VPS52: variants seen among roughly 807,000 people sequenced by gnomAD.
VPS52 encodes the protein vacuolar protein sorting-associated protein 52 homolog.
A neutral mutation model predicts 98.7 loss-of-function variants in VPS52; 56 were observed. The ratio of observed to expected loss-of-function variants is 0.57; its 90% CI spans 0.46 to 0.71. The LOEUF is 0.71. Among genes scored for constraint, VPS52 ranks in the 30% least tolerant of loss-of-function variants. VPS52 has a pLI of 0.00. For missense variants in VPS52, 742 were observed against 925.9 expected, an observed-to-expected ratio of 0.80 and a Z score of 2.58; for synonymous variants, 348 against 346.4, an observed-to-expected ratio of 1.00 and a Z score of -0.05.
In VPS52 at chr6:33,267,062, C is replaced by T. The variant is rs1764415031; in HGVS notation, c.1125+126G>A. 3.0e-6 allele frequency: 4 copies of T among 1,322,732 alleles called. No homozygotes were observed. Among genetic ancestry groups the T allele is most frequent in the East Asian group, 2.5e-5 (1 of 39,926 alleles). The allele number at this position is 1,322,732 out of a possible 1,614,324, so 81.9% of individuals were successfully genotyped here. On this transcript the variant is annotated intron_variant, in intron 11 of 19. Transcript: ENST00000445902. This position sits in a 1 kb window ranked among gnomAD's most constrained non-coding sequence, Gnocchi z 4.2. ...AGCAGGCTGGAGTGATTGGAGAAGG[C>T]CACTCCCAAGTCTAAGGGGATTAAG...
At position 33,268,788 on chromosome 6, in the gene VPS52, A is replaced by G. The variant is rs1023729284; in HGVS notation, c.549-139T>C. ...TACCATATAGTCAGGACACATGTAC[A>G]AAGTTTTCTATTCCTGGACCTCCCC... On this transcript the variant is annotated intron_variant, in intron 6 of 19. Coordinates refer to ENST00000445902, the MANE Select transcript of VPS52 (RefSeq NM_022553.6). The surrounding 1 kb of genome is among the most constrained non-coding windows in gnomAD (Gnocchi z 4.0). 1.3e-5 allele frequency: 16 copies of G among 1,205,330 alleles called. No individual in the cohort carries two copies. Among genetic ancestry groups the G allele is most frequent in the Admixed American group, 2.8e-5 (1 of 35,196 alleles). 74.7% of individuals were successfully genotyped at this position (1,205,330 alleles called of 1,614,324 possible).
chr6:33,265,871 C>G (rs1287599394), intron 12 of VPS52, among the ~76,000 whole-genome samples: 1 of 151,930 alleles, frequency 6.6e-6, no homozygotes, highest in Non-Finnish European at 1.5e-5. Flanking sequence ...GTCTAAGTAA[C>G]AAGTTTTTTT....
chr6:33,256,076 G>T (rs2150802702), intron 17 of VPS52, among the ~76,000 whole-genome samples: 1 of 152,126 alleles, frequency 6.6e-6, no homozygotes, highest in Middle Eastern at 3.4e-3. Flanking sequence ...CAAAAAACTA[G>T]AAAAGATTTA....
intron 19 of VPS52, 69 bp downstream of exon 19, chr6:33,251,449 C>T: frequency 9.1e-7 from 1 of 1,103,912 alleles, no homozygotes; most frequent in Non-Finnish European, 1.4e-6. Context: ...TGATGCTGAG[C>T]CCAGCAAAAA....
In VPS52 at chr6:33,271,644, G is replaced by A; in HGVS notation, c.32C>T (p.Ala11Val). 6.2e-7 allele frequency: 1 copy of A among 1,610,622 alleles called. No homozygotes were observed. Among genetic ancestry groups the A allele is most frequent in the Non-Finnish European group, 8.5e-7 (1 of 1,178,184 alleles). MAAAATMAAA[A>V]RELVLRAGTS... The stretch of plus-strand genomic sequence containing the variant: ...CCCAGCCCGCAACACCAGTTCCCGG[G>A]CCGCAGCCGCCATGGTCGCAGCGGC... The change falls in exon 1 of 20, where the codon GCC (alanine) becomes GTC (valine). Residue 11 changes from alanine to valine, a missense_variant. Around this residue, in one of 2 missense-constraint regions of VPS52, gnomAD observed 152 missense variants for 132.6 expected, o/e 1.15. Transcript: ENST00000445902.
At chr6:33,263,090 T>A (rs143595984) in intron 17 of VPS52, among the ~76,000 whole-genome samples, 1,752 of 150,692 alleles carry the variant, frequency 0.012, 17 homozygotes, top group Non-Finnish European at 0.019. Flanking sequence ...AAGAAAAAAA[T>A]AAAATTCATT....
intron 18 of VPS52, 105 bp downstream of exon 18, chr6:33,251,755 C>G (rs1762274781): frequency 7.0e-7 from 1 of 1,434,162 alleles, no homozygotes; most frequent in Non-Finnish European, 9.8e-7. Flanking sequence ...TTCTCTCAAT[C>G]CAGTCTTTCA....
intron 18 of VPS52, 96 bp from the exon 19 acceptor site, chr6:33,251,732 C>T (rs1762271547): frequency 2.8e-6 from 4 of 1,408,266 alleles, no homozygotes; most frequent in Non-Finnish European, 4.0e-6. Context: ...TCATCAAACC[C>T]TCTTTTCTGG....
chr6:33,270,077 G>C (rs373536508), intron 2 of VPS52, 26 bp from the exon 3 acceptor site: 3 of 1,614,044 alleles, frequency 1.9e-6, no homozygotes, highest in Middle Eastern at 3.3e-4. Flanking sequence ...TATCATAAGG[G>C]TCCAGCTCCA....
chr6:33,264,704 G>A lies in VPS52; in HGVS notation c.1400+78C>T, dbSNP rs1764083148. ...GGTTGATGATACCAGGTCAGTAGGAGTCTAAGGTCAGGGCAGAGTCATGCA... is the reference window on the plus strand; with the variant it reads ...GGTTGATGATACCAGGTCAGTAGGAATCTAAGGTCAGGGCAGAGTCATGCA... On this transcript the variant is annotated intron_variant, in intron 13 of 19. Coordinates refer to ENST00000445902, the MANE Select transcript of VPS52 (RefSeq NM_022553.6). The A allele has an allele frequency of 2.7e-6, 4 of 1,472,676 alleles. No homozygotes were observed. In the Admixed American group the frequency reaches 6.7e-5, roughly 25 times the overall value. The allele number at this position is 1,472,676 out of a possible 1,614,324, so 91.2% of individuals were successfully genotyped here.
chr6:33,264,264 C>CA lies in VPS52; in HGVS notation c.1524+109dup, dbSNP rs1764005378. 5.7e-6 allele frequency: 9 copies of CA among 1,568,522 alleles called. No individual in the cohort carries two copies. The East Asian group carries it at 2.0e-4, about 35-fold the overall frequency. Reference sequence around the variant, plus strand: ...CATGAGTTTCACCACCCTCCCAGAACACCTGCTCATAGCGTGGCCCATGAC... The same window carrying CA: ...CATGAGTTTCACCACCCTCCCAGAACAACCTGCTCATAGCGTGGCCCATGAC... On this transcript the variant is annotated intron_variant, in intron 14 of 19. Transcript: ENST00000445902.
At chr6:33,264,318 A>G in intron 14 of VPS52, 56 bp downstream of exon 14, 7 of 1,600,996 alleles carry the variant, frequency 4.4e-6, no homozygotes, top group East Asian at 4.5e-5. Flanking sequence ...AACCCCCACA[A>G]TGATGCTTAG....
chr6:33,265,073 C>G (rs1764139735), intron 12 of VPS52, among the ~76,000 whole-genome samples, 173 bp from the exon 13 acceptor site: 1 of 151,072 alleles, frequency 6.6e-6, no homozygotes, highest in South Asian at 2.1e-4. Context: ...ATGTTTTTGG[C>G]TTTTTTTTTG....
rs1762264133 is a variant in VPS52 at position 33,251,689 on chromosome 6, C to T, written c.1907-53G>A. On this transcript the variant is annotated intron_variant, in intron 18 of 19. Coordinates refer to ENST00000445902, the MANE Select transcript of VPS52 (RefSeq NM_022553.6). ...GAGGGATCTGGCTGATCTTCAACTCCACTAAGTTCTCCCCAAGGTATAGCC... is the reference window on the plus strand; with the variant it reads ...GAGGGATCTGGCTGATCTTCAACTCTACTAAGTTCTCCCCAAGGTATAGCC... 2.0e-6 allele frequency: 3 copies of T among 1,491,980 alleles called. No individual in the cohort carries two copies. In the African/African-American group the frequency reaches 4.1e-5, roughly 21 times the overall value. 92.4% of individuals were successfully genotyped at this position (1,491,980 alleles called of 1,614,324 possible).
chr6:33,269,961 T>C (rs767721854), intron 3 of VPS52, 38 bp downstream of exon 3: 6 of 1,613,692 alleles, frequency 3.7e-6, no homozygotes, highest in Non-Finnish European at 5.1e-6. Flanking sequence ...TGGGGTAGAA[T>C]AGATAGAAGG....
chr6:33,255,384 G>T (rs1762806510), intron 17 of VPS52, among the ~76,000 whole-genome samples: 1 of 151,636 alleles, frequency 6.6e-6, no homozygotes, highest in East Asian at 1.9e-4. Flanking sequence ...CATCTTTGTG[G>T]GTGCCTTAAT....
chr6:33,251,536 ATTT>A lies in VPS52; in HGVS notation c.2004_2006del (p.Arg668_Asn669delinsSer). 6.2e-7 allele frequency: 1 copy of A among 1,612,840 alleles called. No individual in the cohort carries two copies. Among genetic ancestry groups the A allele is most frequent in the Non-Finnish European group, 8.5e-7 (1 of 1,179,080 alleles). ...AGGTCACCTGAATGATACTGGTGCC[ATTT>A]CTGAAGTTGGTGAAACTCCGCATTA... On this transcript the variant is annotated inframe_deletion, in exon 19 of 20. Coordinates refer to ENST00000445902, the MANE Select transcript of VPS52 (RefSeq NM_022553.6).
chr6:33,251,691 C>A, intron 18 of VPS52, 55 bp from the exon 19 acceptor site: 3 of 1,488,742 alleles, frequency 2.0e-6, no homozygotes, highest in Non-Finnish European at 2.8e-6. Context: ...TTCAACTCCA[C>A]TAAGTTCTCC....
In VPS52 at chr6:33,269,049, A is replaced by G. The variant is rs1427647607; in HGVS notation, c.513T>C (p.Leu171=). The change falls in exon 6 of 20, where the codon CTT becomes CTC. Residue 171 remains leucine (L), a synonymous_variant. Transcript: ENST00000445902. ...CAGAAGGCACCACCAGACCATCAAC[A>G]AGCTCCCCAAGTTTCCCCCGAACTG... The part of the protein sequence containing the change: ...RQAVRGKLGE[L]VDGLVVPSAL... The G allele has an allele frequency of 3.1e-6, 5 of 1,612,552 alleles. No individual in the cohort carries two copies. Among genetic ancestry groups the G allele is most frequent in the Non-Finnish European group, 4.2e-6 (5 of 1,179,902 alleles).
Sources: gnomAD v4.1 joint callset for allele counts (sites outside exome capture counted in the v4.1 genomes callset) on GRCh38, gnomAD v4.1.1 for gene constraint, gnomAD v4.1.1 regional missense constraint, Gnocchi (gnomAD v3.1) non-coding constraint, MANE v1.5 for transcripts, NCBI Gene and HGNC (gene_info 2026-07-23, HGNC 2026-07-21) for gene names.